DGKH: variants seen among roughly 807,000 people sequenced by gnomAD.
The protein encoded by DGKH is DAG kinase eta.
A neutral mutation model predicts 159.3 loss-of-function variants in DGKH; 90 were observed. The ratio of observed to expected loss-of-function variants is 0.57; its 90% CI spans 0.48 to 0.67. The LOEUF is 0.67. Among genes scored for constraint, DGKH ranks in the 30% least tolerant of loss-of-function variants. The pLI, the probability that DGKH is intolerant of heterozygous loss-of-function variation, is 0.00. For missense variants in DGKH, 1,181 were observed against 1,506.1 expected, an observed-to-expected ratio of 0.78 and a Z score of 3.57; for synonymous variants, 536 against 553.8, an observed-to-expected ratio of 0.97 and a Z score of 0.45.
intron 29 of DGKH, among the ~76,000 whole-genome samples, chr13:42,226,160 A>G (rs1349085160): frequency 1.3e-5 from 2 of 152,242 alleles, no homozygotes; most frequent in East Asian, 3.8e-4. Context: ...ACATTTTTCA[A>G]AAGAAGACAT....
At chr13:42,150,362 A>G (rs9566931) in intron 3 of DGKH, among the ~76,000 whole-genome samples, 53,662 of 152,058 alleles carry the variant, frequency 0.35, 9,982 homozygotes, top group Non-Finnish European at 0.42. Context: ...TTTGTCTAGT[A>G]TAACAGGAGA....
intron 1 of DGKH, among the ~76,000 whole-genome samples, chr13:42,087,819 T>G (rs1954337696): frequency 6.7e-6 from 1 of 149,856 alleles, no homozygotes; most frequent in African/African-American, 2.5e-5. Context: ...GGAGTTCCAG[T>G]AGGAGAAGAG....
At chr13:42,138,163 TAGC>T (rs1955443333) in intron 3 of DGKH, 1 of 955,370 alleles carries the variant, frequency 1.0e-6, no homozygotes, top group African/African-American at 1.8e-5. Flanking sequence ...AGATGGCTAA[TAGC>T]AGGGCACAGC....
At chr13:42,186,683 C>G (rs1270619404) in intron 13 of DGKH, among the ~76,000 whole-genome samples, 1 of 152,086 alleles carries the variant, frequency 6.6e-6, no homozygotes, top group African/African-American at 2.4e-5. Context: ...TATTTTTGTT[C>G]AGCAATGTAA....
intron 30 of DGKH, among the ~76,000 whole-genome samples, chr13:42,252,826 C>A (rs1489333472): frequency 6.6e-6 from 1 of 151,812 alleles, no homozygotes; most frequent in Non-Finnish European, 1.5e-5. Context: ...CAGCTCACTA[C>A]AACTTCCACC....
chr13:42,229,053 C>G, intron 29 of DGKH, 46 bp from the exon 30 acceptor site: 2 of 1,509,426 alleles, frequency 1.3e-6, no homozygotes, highest in Admixed American at 4.0e-5. Flanking sequence ...TGTGTTTTTT[C>G]TTTCATTTTT....
chr13:42,101,820 A>C (rs1954657891), intron 1 of DGKH, among the ~76,000 whole-genome samples: 1 of 152,072 alleles, frequency 6.6e-6, no homozygotes, highest in Non-Finnish European at 1.5e-5. Context: ...GAACATTTTT[A>C]AAGGCAAAGA....
At chr13:42,222,336 T>C (rs1290790275) in intron 29 of DGKH, among the ~76,000 whole-genome samples, 1 of 152,190 alleles carries the variant, frequency 6.6e-6, no homozygotes, top group Non-Finnish European at 1.5e-5. Context: ...TTGTTGCACC[T>C]TTATCTACAA....
chr13:42,127,503 C>A lies in DGKH; in HGVS notation c.233C>A (p.Ser78Tyr). Residue 78 changes from serine (S) to tyrosine (Y), a missense_variant, in exon 2 of 30, where the codon TCT becomes TAT. Around this residue, in one of 5 missense-constraint regions of DGKH, gnomAD observed 136 missense variants for 132.2 expected, o/e 1.03. Transcript: ENST00000337343. ...GGACAGCTATTGAAGCAAACCAGTTCTTTCCAAAGGTGGAAAAAGCGATAC... is the reference window on the plus strand; with the variant it reads ...GGACAGCTATTGAAGCAAACCAGTTATTTCCAAAGGTGGAAAAAGCGATAC... ...KEGQLLKQTS[S>Y]FQRWKKRYFK... The A allele has an allele frequency of 6.2e-7, 1 of 1,613,812 alleles. No homozygotes were observed. Among genetic ancestry groups the A allele is most frequent in the Non-Finnish European group, 8.5e-7 (1 of 1,179,798 alleles).
intron 13 of DGKH, chr13:42,181,754 G>A: frequency 1.3e-6 from 1 of 761,064 alleles, no homozygotes. Context: ...TTGCCATCTG[G>A]ACCATCAGAC....
intron 3 of DGKH, among the ~76,000 whole-genome samples, chr13:42,145,333 T>C (rs1409688198): frequency 6.6e-6 from 1 of 152,154 alleles, no homozygotes; most frequent in Non-Finnish European, 1.5e-5. Context: ...TTGAGTGTTA[T>C]CTAGTTGGAG....
chr13:42,069,780 C>T (rs1036660913), intron 1 of DGKH: 8 of 1,092,000 alleles, frequency 7.3e-6, no homozygotes, highest in African/African-American at 1.6e-5. Context: ...GGCTACACTC[C>T]AGATCACAAT....
At chr13:42,227,026 C>T (rs1289808911) in intron 29 of DGKH, among the ~76,000 whole-genome samples, 1 of 152,026 alleles carries the variant, frequency 6.6e-6, no homozygotes, top group African/African-American at 2.4e-5. Flanking sequence ...AATCAAACAC[C>T]ACACGTTCTT....
chr13:42,141,626 T>C (rs1955562076), intron 3 of DGKH, among the ~76,000 whole-genome samples: 1 of 152,234 alleles, frequency 6.6e-6, no homozygotes, highest in Non-Finnish European at 1.5e-5. Flanking sequence ...ATTGTGGTTT[T>C]GATTTGCATT....
At chr13:42,103,765 A>C (rs188411590) in intron 1 of DGKH, among the ~76,000 whole-genome samples, 2 of 152,336 alleles carry the variant, frequency 1.3e-5, no homozygotes, top group Admixed American at 6.5e-5. Flanking sequence ...CCAGGAATAG[A>C]GTCAGCATTC....
intron 1 of DGKH, among the ~76,000 whole-genome samples, chr13:42,087,041 GAA>G (rs1491119348): frequency 4.4e-5 from 3 of 68,592 alleles, no homozygotes; most frequent in African/African-American, 1.9e-4. Context: ...ATGCCAGAAG[GAA>G]AACACACACA....
At chr13:42,221,589 A>G (rs554650560) in intron 29 of DGKH, among the ~76,000 whole-genome samples, 195 bp downstream of exon 29, 6 of 152,224 alleles carry the variant, frequency 3.9e-5, no homozygotes, top group Non-Finnish European at 5.9e-5. Context: ...TCCTGTCAGA[A>G]TCACTCTATT....
At chr13:42,123,555 G>A (rs1955114887) in intron 1 of DGKH, among the ~76,000 whole-genome samples, 1 of 140,616 alleles carries the variant, frequency 7.1e-6, no homozygotes. Flanking sequence ...GAAAAAAAAA[G>A]TCACAGACTG....
At chr13:42,075,959 T>G (rs1028170997) in intron 1 of DGKH, among the ~76,000 whole-genome samples, 4 of 152,208 alleles carry the variant, frequency 2.6e-5, no homozygotes, top group Non-Finnish European at 5.9e-5. Context: ...AAGCTTTAAG[T>G]ATCATACAAT....
Sources: gnomAD v4.1 joint callset for allele counts (sites outside exome capture counted in the v4.1 genomes callset) on GRCh38, gnomAD v4.1.1 for gene constraint, gnomAD v4.1.1 regional missense constraint, MANE v1.5 for transcripts, NCBI Gene and HGNC (gene_info 2026-07-23, HGNC 2026-07-21) for gene names.